The following APOOL variants were observed in gnomAD, a reference collection of about 807,000 sequenced individuals.
APOOL encodes apolipoprotein O like, also known as MICOS complex subunit MIC27.
In APOOL, 12 loss-of-function variants were observed where a neutral mutation model predicts 23.1. That is an observed-to-expected ratio of 0.52 (90% CI 0.33 to 0.84). APOOL has a LOEUF of 0.84. APOOL is among the 40% of genes least tolerant of loss of function. APOOL has a pLI of 0.02. For missense variants in APOOL, 212 were observed against 199.6 expected (o/e 1.06, Z -0.37); for synonymous variants, 77 against 69.9 (o/e 1.10, Z -0.51).
chrX:85,088,139 C>CAT lies in APOOL; in HGVS notation c.*466_*467dup, dbSNP rs375926439. On this transcript the variant is annotated 3_prime_UTR_variant, in exon 9 of 9. Transcript: ENST00000373173. ...ATGTATAAATACATACATATTTATA[C>CAT]ATATATGTATAAATACATACATATT... 585 of 2,845 alleles carry CAT rather than the reference C, an allele frequency of 0.21. 7 individuals are homozygous for CAT. The highest frequency in any genetic ancestry group is 0.25 in the Non-Finnish European group (409 of 1,641). 0.2% of individuals were successfully genotyped at this position (2,845 alleles called of 1,213,427 possible). A position where few individuals can be genotyped will look rare whatever the true frequency, so the allele number is the denominator to read the frequency against.
rs111449623 is a variant in APOOL at position 85,048,526 on chromosome X, A to G, written c.120+1976A>G. On this transcript the variant is annotated intron_variant, in intron 2 of 8. Coordinates refer to ENST00000373173, the MANE Select transcript of APOOL (RefSeq NM_198450.6). Reference sequence around the variant, plus strand: ...ATTTAATTGAATTACTTATCAAACAAAGTTTGTTGCCAGCTATGTGCTAGG... The same window carrying G: ...ATTTAATTGAATTACTTATCAAACAGAGTTTGTTGCCAGCTATGTGCTAGG... Among the ~76,000 whole-genome samples, 898 of 112,200 alleles carry G rather than the reference A, an allele frequency of 8.0e-3. 4 individuals carry two copies. The highest frequency in any genetic ancestry group is 0.012 in the Non-Finnish European group (623 of 53,137).
chrX:85,024,365 G>A (rs1745431284), intron 1 of APOOL, among the ~76,000 whole-genome samples: 2 of 112,182 alleles, frequency 1.8e-5, no homozygotes, highest in Non-Finnish European at 3.8e-5. Flanking sequence ...TATTTGTGGA[G>A]TTCTCTTTGT....
At chrX:85,052,288 T>C (rs530043105) in intron 3 of APOOL, among the ~76,000 whole-genome samples, 2 of 112,329 alleles carry the variant, frequency 1.8e-5, no homozygotes, top group South Asian at 7.4e-4. Context: ...CAGTAAGCTA[T>C]TGGGCAAAGT....
chrX:85,073,962 A>T, intron 6 of APOOL, 36 bp from the exon 7 acceptor site: 1 of 985,669 alleles, frequency 1.0e-6, no homozygotes, highest in Non-Finnish European at 1.4e-6. Flanking sequence ...TAACTTTTAA[A>T]AATATGTTAT....
intron 5 of APOOL, among the ~76,000 whole-genome samples, chrX:85,060,309 C>T (rs1169734380): frequency 3.9e-5 from 4 of 103,677 alleles, no homozygotes; most frequent in Admixed American, 1.1e-4. Flanking sequence ...AGTCAGGTAG[C>T]GTGATGCCTC....
At chrX:85,060,679 TTGTC>T (rs1923176715) in intron 5 of APOOL, among the ~76,000 whole-genome samples, 1 of 110,712 alleles carries the variant, frequency 9.0e-6, no homozygotes, top group Non-Finnish European at 1.9e-5. Context: ...GGCTCTCTGT[TTGTC>T]TGTTATTGGT....
chrX:85,057,604 A>G (rs1356646402), intron 5 of APOOL, among the ~76,000 whole-genome samples: 2 of 106,329 alleles, frequency 1.9e-5, no homozygotes, highest in African/African-American at 6.8e-5. Flanking sequence ...TGTCATCTGA[A>G]TGGATGATAT....
chrX:85,006,718 T>C (rs1921092951), intron 1 of APOOL, among the ~76,000 whole-genome samples: 1 of 111,802 alleles, frequency 8.9e-6, no homozygotes, highest in African/African-American at 3.3e-5. Flanking sequence ...TGCTAAGCAC[T>C]TTATGTGGAT....
At chrX:85,036,015 A>C (rs959909928) in intron 1 of APOOL, among the ~76,000 whole-genome samples, 1 of 112,247 alleles carries the variant, frequency 8.9e-6, no homozygotes, top group Non-Finnish European at 1.9e-5. Flanking sequence ...TTCTGTGACA[A>C]ATGTCGTTGG....
chrX:85,031,875 G>C (rs191657496), intron 1 of APOOL, among the ~76,000 whole-genome samples: 1 of 111,997 alleles, frequency 8.9e-6, no homozygotes, highest in Admixed American at 9.5e-5. Context: ...ATTTTGTAAC[G>C]TCTGAATTCT....
intron 1 of APOOL, among the ~76,000 whole-genome samples, chrX:85,012,082 A>AT (rs1202230543): frequency 9.1e-6 from 1 of 110,006 alleles, no homozygotes; most frequent in African/African-American, 3.3e-5. Flanking sequence ...TTGTTTGTTT[A>AT]TTTTTTTGTT....
chrX:85,033,935 C>A (rs1219576016), intron 1 of APOOL, among the ~76,000 whole-genome samples: 1 of 111,259 alleles, frequency 9.0e-6, no homozygotes. Flanking sequence ...CATTTTGTGA[C>A]TTTTGGTATG....
rs1922775615 is a variant in APOOL, at chrX:85,051,474, G to T, written c.206G>T (p.Arg69Leu). Reference protein sequence around the residue: ...GHLQMGFASIRTATGCYIGWC... With the variant: ...GHLQMGFASILTATGCYIGWC... ...TTACAAATGGGCTTTGCTTCCATCC[G>T]CACTGCAACTGGTTGTTACATTGGC... The change falls in exon 3 of 9, where the codon CGC (arginine) becomes CTC (leucine). Residue 69 changes from arginine (R) to leucine (L), a missense_variant. Coordinates refer to ENST00000373173, the MANE Select transcript of APOOL (RefSeq NM_198450.6). The T allele has an allele frequency of 2.6e-5, 31 of 1,209,196 alleles. No homozygotes were observed. Among genetic ancestry groups the T allele is most frequent in the Non-Finnish European group, 3.5e-5 (31 of 894,821 alleles).
intron 6 of APOOL, 29 bp downstream of exon 6, chrX:85,067,247 T>G: frequency 1.0e-6 from 1 of 974,100 alleles, no homozygotes; most frequent in Non-Finnish European, 1.4e-6. Flanking sequence ...ATAGCAACAT[T>G]TCAGTATTTG....
chrX:85,044,460 C>G (rs1286006405), intron 1 of APOOL, among the ~76,000 whole-genome samples: 1 of 110,227 alleles, frequency 9.1e-6, no homozygotes, highest in Non-Finnish European at 1.9e-5. Context: ...TTTGTATTTT[C>G]AGTAGAGACA....
intron 6 of APOOL, 149 bp downstream of exon 6, chrX:85,067,367 C>T: frequency 1.0e-5 from 4 of 382,771 alleles, no homozygotes; most frequent in Non-Finnish European, 1.4e-5. Flanking sequence ...ACATTAGCAT[C>T]TCAGTATGGT....
chrX:85,027,887 C>T (rs1381892075), intron 1 of APOOL, among the ~76,000 whole-genome samples: 1 of 111,967 alleles, frequency 8.9e-6, no homozygotes, highest in Non-Finnish European at 1.9e-5. Flanking sequence ...GCTTTTCATA[C>T]TGCCATTCAA....
intron 1 of APOOL, among the ~76,000 whole-genome samples, chrX:85,042,287 G>T (rs1922424573): frequency 8.9e-6 from 1 of 111,780 alleles, no homozygotes; most frequent in Non-Finnish European, 1.9e-5. Flanking sequence ...AACCAATACT[G>T]CAGACATTCA....
Position 85,092,617 on chromosome X carries a change from AAC to A in APOOL, c.*4943_*4944del, listed in dbSNP as rs1383284999. ...TTCATTTGAAAGTATAATCTTCGTT[AAC>A]ACATATATTTTATTGAAGGTCTACT... On this transcript the variant is annotated 3_prime_UTR_variant, in exon 9 of 9. Coordinates refer to ENST00000373173, the MANE Select transcript of APOOL (RefSeq NM_198450.6). 4.5e-5 allele frequency: 48 copies of A among 1,055,336 alleles called. No individual in the cohort carries two copies. The highest frequency in any genetic ancestry group is 2.3e-4 in the South Asian group (11 of 46,905). 87.0% of individuals were successfully genotyped at this position (1,055,336 alleles called of 1,213,427 possible).
Sources: allele counts gnomAD v4.1 joint callset (sites outside exome capture counted in the v4.1 genomes callset), GRCh38; gene constraint gnomAD v4.1.1; transcripts MANE v1.5; gene names NCBI Gene and HGNC (gene_info 2026-07-23, HGNC 2026-07-21).